The following CELF5 variants were observed in gnomAD, a reference collection of about 807,000 sequenced individuals.
The protein encoded by CELF5 is CUGBP Elav-like family member 5.
In CELF5, 6 loss-of-function variants were observed where a neutral mutation model predicts 54.9. The observed-to-expected ratio is 0.11, with a 90% confidence interval of 0.06 to 0.22. The LOEUF is 0.22. CELF5 is among the 10% of genes least tolerant of loss of function. CELF5 has a pLI of 1.00. For missense variants in CELF5, 401 were observed against 678.6 expected, an observed-to-expected ratio of 0.59 and a Z score of 4.54; for synonymous variants, 271 against 290.9, an observed-to-expected ratio of 0.93 and a Z score of 0.70.
rs1170391683 is a variant in CELF5 at position 3,282,908 on chromosome 19, G to A, written c.1039+410G>A. ...TGCAGTGGCACAATCTTGGCTGACT[G>A]TAACCTCCGCTTCCCAGGTTCAAGT... On this transcript the variant is annotated intron_variant, in intron 8 of 12. Coordinates refer to ENST00000292672, the MANE Select transcript of CELF5 (RefSeq NM_021938.4). This position sits in a 1 kb window ranked among gnomAD's most constrained non-coding sequence, Gnocchi z 5.2. Among the ~76,000 whole-genome samples the A allele has an allele frequency of 1.3e-5, 2 of 152,226 alleles. No individual in the cohort carries two copies. Among genetic ancestry groups the A allele is most frequent in the Non-Finnish European group, 2.9e-5 (2 of 68,038 alleles).
At chr19:3,267,380 T>C (rs562235090) in intron 2 of CELF5, among the ~76,000 whole-genome samples, 32 of 152,232 alleles carry the variant, frequency 2.1e-4, no homozygotes, top group Admixed American at 7.8e-4. Context: ...GGATCCGAAA[T>C]TGAATAACAG....
At chr19:3,239,417 C>T (rs2079459760) in intron 1 of CELF5, among the ~76,000 whole-genome samples, 1 of 151,934 alleles carries the variant, frequency 6.6e-6, no homozygotes, top group Non-Finnish European at 1.5e-5. Flanking sequence ...TTAATTTTTA[C>T]TGGAGATGGG....
At chr19:3,267,232 G>GC (rs930193599) in intron 2 of CELF5, among the ~76,000 whole-genome samples, 60 of 151,448 alleles carry the variant, frequency 4.0e-4, no homozygotes, top group African/African-American at 8.0e-4. Context: ...GCACAGGGGA[G>GC]CCCCCCCCAC....
chr19:3,272,484 G>A (rs892418256), intron 2 of CELF5, among the ~76,000 whole-genome samples: 8 of 152,212 alleles, frequency 5.3e-5, no homozygotes, highest in Non-Finnish European at 1.0e-4. Context: ...GAACCCATAG[G>A]ACTCAGGGGA....
chr19:3,294,887 C>T (rs947044398), intron 12 of CELF5: 2 of 152,194 alleles, frequency 1.3e-5, no homozygotes, highest in Non-Finnish European at 2.9e-5. Flanking sequence ...GTTTGTTGGC[C>T]TCTGAACTCT....
chr19:3,273,562 T>C (rs1037331815), intron 2 of CELF5, among the ~76,000 whole-genome samples: 5 of 152,174 alleles, frequency 3.3e-5, no homozygotes, highest in African/African-American at 4.8e-5. Flanking sequence ...TAGTTCTTGA[T>C]GGTAGGAACT....
chr19:3,233,069 C>T (rs1052139846), intron 1 of CELF5, among the ~76,000 whole-genome samples: 3 of 150,006 alleles, frequency 2.0e-5, no homozygotes, highest in African/African-American at 7.4e-5. Context: ...AGTGAAACTC[C>T]GTCTCAAAAA....
rs1467518208 is a variant in CELF5 at position 3,224,704 on chromosome 19, C to A, written c.-36C>A. 3.1e-6 allele frequency: 3 copies of A among 967,756 alleles called. No homozygotes were observed. The African/African-American group carries it at 5.3e-5, about 17-fold the overall frequency. The allele number at this position is 967,756 out of a possible 1,614,324, so 59.9% of individuals were successfully genotyped here. A position where few individuals can be genotyped will look rare whatever the true frequency, so the allele number is the denominator to read the frequency against. On this transcript the variant is annotated 5_prime_UTR_variant, in exon 1 of 13. Coordinates refer to ENST00000292672, the MANE Select transcript of CELF5 (RefSeq NM_021938.4). ...TCCAGCTGCGAGTCCGCCCGCCGCCCGCCGCCGCCGCCGCCGGCTCGGTCC... is the reference window on the plus strand; with the variant it reads ...TCCAGCTGCGAGTCCGCCCGCCGCCAGCCGCCGCCGCCGCCGGCTCGGTCC...
At chr19:3,288,785 C>G (rs746763611) in intron 10 of CELF5, among the ~76,000 whole-genome samples, 1 of 151,964 alleles carries the variant, frequency 6.6e-6, no homozygotes, top group Non-Finnish European at 1.5e-5. Flanking sequence ...GAGTTAGAGG[C>G]TGCAGTGAGC....
In CELF5 at chr19:3,228,882, G is replaced by GTA. The variant is rs1387667558; in HGVS notation, c.259+3885_259+3886insAT. Among the ~76,000 whole-genome samples the GTA allele has an allele frequency of 7.4e-3, 1,078 of 144,980 alleles. 7 individuals are homozygous for GTA. Among genetic ancestry groups the GTA allele is most frequent in the African/African-American group, 0.024 (917 of 38,918 alleles). ...GCTGGCAGGGTTGGCCGGCGTGTGT[G>GTA]TGTGTGTGTGTGTGTGTGTGTGTGT... On this transcript the variant is annotated intron_variant, in intron 1 of 12. Coordinates refer to ENST00000292672, the MANE Select transcript of CELF5 (RefSeq NM_021938.4). This position sits in a 1 kb window ranked among gnomAD's most constrained non-coding sequence, Gnocchi z 6.0.
At chr19:3,269,762 C>A (rs2079931870) in intron 2 of CELF5, among the ~76,000 whole-genome samples, 1 of 152,172 alleles carries the variant, frequency 6.6e-6, no homozygotes, top group Admixed American at 6.5e-5. Flanking sequence ...CCTCTCCCTT[C>A]CCCCTCTCCC....
At chr19:3,269,186 C>A (rs1479997690) in intron 2 of CELF5, among the ~76,000 whole-genome samples, 1 of 152,154 alleles carries the variant, frequency 6.6e-6, no homozygotes, top group African/African-American at 2.4e-5. Flanking sequence ...CACTAAATCT[C>A]TTTTTTGAGA....
chr19:3,279,370 C>T (rs1314206364), intron 5 of CELF5, among the ~76,000 whole-genome samples: 2 of 152,044 alleles, frequency 1.3e-5, no homozygotes, highest in African/African-American at 2.4e-5. Context: ...CCCACATCTC[C>T]GAATCTGCTA....
intron 2 of CELF5, among the ~76,000 whole-genome samples, chr19:3,264,203 G>A (rs2079848365): frequency 6.6e-6 from 1 of 151,686 alleles, no homozygotes; most frequent in Non-Finnish European, 1.5e-5. Flanking sequence ...GAGCCCAGGA[G>A]CTTGCGACCA....
Position 3,239,451 on chromosome 19 carries a change from G to T in CELF5, c.260-11534G>T, listed in dbSNP as rs141575366. 2.7e-3 allele frequency among the ~76,000 whole-genome samples: 411 copies of T among 151,264 alleles called. 4 individuals are homozygous for T. The highest frequency in any genetic ancestry group is 0.023 in the South Asian group (111 of 4,760). On this transcript the variant is annotated intron_variant, in intron 1 of 12. Coordinates refer to ENST00000292672, the MANE Select transcript of CELF5 (RefSeq NM_021938.4). ...GGGTCTCACTGTGTTGCCCAGGCTC[G>T]TCTCAAACTCCTGGGCTCAAGCCAT...
At chr19:3,256,401 A>T (rs539682574) in intron 2 of CELF5, among the ~76,000 whole-genome samples, 1 of 152,260 alleles carries the variant, frequency 6.6e-6, no homozygotes, top group East Asian at 1.9e-4. Context: ...TTGTTCATTC[A>T]GCATTTACTG....
At chr19:3,238,318 C>T (rs1014249315) in intron 1 of CELF5, among the ~76,000 whole-genome samples, 2 of 151,010 alleles carry the variant, frequency 1.3e-5, no homozygotes, top group African/African-American at 4.9e-5. Context: ...ATCCCCCAAA[C>T]CCTGAGATCC....
chr19:3,225,500 G>A, intron 1 of CELF5: 3 of 453,968 alleles, frequency 6.6e-6, no homozygotes, highest in Non-Finnish European at 8.4e-6. Context: ...GCCTCCCCAG[G>A]CCCCGTCGGG....
chr19:3,267,115 G>A (rs568883366), intron 2 of CELF5, among the ~76,000 whole-genome samples: 21 of 151,862 alleles, frequency 1.4e-4, no homozygotes, highest in African/African-American at 2.9e-4. Flanking sequence ...GTGCGTGTGC[G>A]TGTGTGTTGG....
Sources: allele counts gnomAD v4.1 joint callset (sites outside exome capture counted in the v4.1 genomes callset), GRCh38; gene constraint gnomAD v4.1.1; non-coding constraint Gnocchi (gnomAD v3.1); transcripts MANE v1.5; gene names NCBI Gene and HGNC (gene_info 2026-07-23, HGNC 2026-07-21).